Variants in PRH2 observed in about 807,000 individuals in gnomAD.
PRH2 encodes the protein proline rich protein HaeIII subfamily 2.
In PRH2, 19 loss-of-function variants were observed where a neutral mutation model predicts 22.6. The ratio of observed to expected loss-of-function variants is 0.84; its 90% CI spans 0.59 to 1.23. PRH2 has a LOEUF of 1.23. Among genes scored for constraint, PRH2 ranks in the 50% most tolerant of loss-of-function variants. The pLI is 0.00. For synonymous variants in PRH2, 45 were observed against 72.0 expected, an observed-to-expected ratio of 0.63 and a Z score of 1.90; for missense variants, 109 against 203.0, an observed-to-expected ratio of 0.54 and a Z score of 2.81.
chr12:10,931,288 A>G (rs1395475678), intron 3 of PRH2: 2 of 1,059,080 alleles, frequency 1.9e-6, no homozygotes, highest in South Asian at 1.7e-5. Flanking sequence ...GAGAATCACT[A>G]TCTTCAAATT....
Position 10,933,633 on chromosome 12 carries a change from C to A in PRH2, c.*1426C>A, listed in dbSNP as rs996926309. On this transcript the variant is annotated 3_prime_UTR_variant, in exon 4 of 4. Coordinates refer to ENST00000396400, the MANE Select transcript of PRH2 (RefSeq NM_001110213.1). ...ATATGACCATCTCAAAAGATGCCAA[C>A]GTTGTCTTTGATAATATTTAATATA... Among the ~76,000 whole-genome samples, 1 of 152,062 alleles carries A rather than the reference C, an allele frequency of 6.6e-6. No individual in the cohort carries two copies. The highest frequency in any genetic ancestry group is 1.5e-5 in the Non-Finnish European group (1 of 67,920).
Position 10,934,661 on chromosome 12 carries a change from T to C in PRH2, c.*2454T>C, listed in dbSNP as rs1283398356. Among the ~76,000 whole-genome samples the C allele has an allele frequency of 1.3e-5, 2 of 152,034 alleles. No homozygotes were observed. Among genetic ancestry groups the C allele is most frequent in the East Asian group, 3.9e-4 (2 of 5,186 alleles). On this transcript the variant is annotated 3_prime_UTR_variant, in exon 4 of 4. Coordinates refer to ENST00000396400, the MANE Select transcript of PRH2 (RefSeq NM_001110213.1). ...GGCTCAATATGAAAGTAGAAAGCACTAAGGTGTACTAATGAATGGGCACAT... is the reference window on the plus strand; with the variant it reads ...GGCTCAATATGAAAGTAGAAAGCACCAAGGTGTACTAATGAATGGGCACAT...
At chr12:10,930,430 C>G in intron 2 of PRH2, 126 bp downstream of exon 2, 1 of 1,461,976 alleles carries the variant, frequency 6.8e-7, no homozygotes, top group South Asian at 1.2e-5. Context: ...GAGATATAAA[C>G]AGTTTTCTCC....
rs115946342 is a variant in PRH2 at position 10,932,028 on chromosome 12, T to C, written c.*19-198T>C. Among the ~76,000 whole-genome samples the C allele has an allele frequency of 4.6e-3, 698 of 152,338 alleles. 6 individuals carry two copies. The highest frequency in any genetic ancestry group is 0.016 in the African/African-American group (672 of 41,570). On this transcript the variant is annotated intron_variant, in intron 3 of 3. Coordinates refer to ENST00000396400, the MANE Select transcript of PRH2 (RefSeq NM_001110213.1). Reference sequence around the variant, plus strand: ...ACAATAATCGTTTTTCGTCCTCATCTAAGCAACAGTTTAAAGCACATTACG... The same window carrying C: ...ACAATAATCGTTTTTCGTCCTCATCCAAGCAACAGTTTAAAGCACATTACG...
chr12:10,930,235 T>C (rs748933852), intron 1 of PRH2, 34 bp from the exon 2 acceptor site: 2 of 1,608,346 alleles, frequency 1.2e-6, no homozygotes, highest in Admixed American at 3.3e-5. Flanking sequence ...ATTCATGCAG[T>C]AACTTTTCCC....
intron 2 of PRH2, 142 bp downstream of exon 2, chr12:10,930,446 T>C: frequency 6.2e-6 from 9 of 1,460,590 alleles, no homozygotes; most frequent in Non-Finnish European, 8.4e-6. Context: ...TCTCCCAACC[T>C]TGATTCTGGG....
chr12:10,930,416 C>G, intron 2 of PRH2, 112 bp downstream of exon 2: 1 of 1,490,718 alleles, frequency 6.7e-7, no homozygotes, highest in South Asian at 1.2e-5. Context: ...ATATCAGTGC[C>G]CCAGAGATAT....
chr12:10,933,588 A>G lies in PRH2; in HGVS notation c.*1381A>G, dbSNP rs1950244287. Among the ~76,000 whole-genome samples the G allele has an allele frequency of 6.6e-6, 1 of 152,052 alleles. No individual in the cohort carries two copies. Among genetic ancestry groups the G allele is most frequent in the Non-Finnish European group, 1.5e-5 (1 of 67,930 alleles). The stretch of plus-strand genomic sequence containing the variant: ...GTTCATTATTTGTTTTGGATAATGA[A>G]GTCAGCAGAGGAAAAAAAAATATGA... On this transcript the variant is annotated 3_prime_UTR_variant, in exon 4 of 4. Transcript: ENST00000396400.
intron 3 of PRH2, 119 bp downstream of exon 3, chr12:10,931,199 A>C (rs1168830630): frequency 6.5e-7 from 1 of 1,526,846 alleles, no homozygotes; most frequent in African/African-American, 1.4e-5. Flanking sequence ...CACATTTCTC[A>C]TGAGTTTTGT....
At chr12:10,932,098 G>A (rs1340631416) in intron 3 of PRH2, 128 bp from the exon 4 acceptor site, 1 of 278,076 alleles carries the variant, frequency 3.6e-6, no homozygotes, top group Non-Finnish European at 8.0e-6. Context: ...ATATTAAGGA[G>A]GGGGGCTGTA....
intron 3 of PRH2, among the ~76,000 whole-genome samples, chr12:10,931,899 T>G (rs550738879): frequency 6.6e-6 from 1 of 152,342 alleles, no homozygotes; most frequent in East Asian, 1.9e-4. Context: ...CACTGAACAT[T>G]AAGGCTGCTT....
Position 10,934,005 on chromosome 12 carries a change from A to G in PRH2, c.*1798A>G, listed in dbSNP as rs1950249813. 6.6e-6 allele frequency among the ~76,000 whole-genome samples: 1 copy of G among 152,172 alleles called. No individual in the cohort carries two copies. ...GGAAAACCATTGTAATTAAAATAAA[A>G]TTTAATACAATAGCCGTTTATTAAT... On this transcript the variant is annotated 3_prime_UTR_variant, in exon 4 of 4. Coordinates refer to ENST00000396400, the MANE Select transcript of PRH2 (RefSeq NM_001110213.1).
rs16925805 is a variant in PRH2, at chr12:10,933,971, G to C, written c.*1764G>C. 0.02 allele frequency among the ~76,000 whole-genome samples: 2,988 copies of C among 152,036 alleles called. 33 individuals are homozygous for C. The highest frequency in any genetic ancestry group is 0.032 in the South Asian group (152 of 4,818). Reference sequence around the variant, plus strand: ...CAAGAGATTCTACTCAGGTAAAAAAGGAAAGGAAGGAAAACCATTGTAATT... The same window carrying C: ...CAAGAGATTCTACTCAGGTAAAAAACGAAAGGAAGGAAAACCATTGTAATT... On this transcript the variant is annotated 3_prime_UTR_variant, in exon 4 of 4. Transcript: ENST00000396400.
At position 10,929,300 on chromosome 12, in the gene PRH2, C is replaced by G. The variant is rs755493396; in HGVS notation, c.27C>G (p.Ala9=). 12 of 1,613,970 alleles carry G rather than the reference C, an allele frequency of 7.4e-6. No homozygotes were observed. In the South Asian group the frequency reaches 1.2e-4, roughly 16 times the overall value. The change falls in exon 1 of 4, where the codon GCC becomes GCG. Residue 9 remains alanine (A), a synonymous_variant. Coordinates refer to ENST00000396400, the MANE Select transcript of PRH2 (RefSeq NM_001110213.1). MLLILLSV[A]LLAFSSAQDL... ...TGCTTCTGATTCTGCTGTCAGTGGC[C>G]CTGCTGGCCTTCAGCTCAGCTCAGG... is the stretch of plus-strand genomic sequence containing the variant.
Position 10,930,941 on chromosome 12 carries a change from G to C in PRH2, c.380G>C (p.Gly127Ala), listed in dbSNP as rs1950200752. The C allele has an allele frequency of 6.2e-7, 1 of 1,606,304 alleles. No homozygotes were observed. The highest frequency in any genetic ancestry group is 1.7e-5 in the Admixed American group (1 of 59,410). The change falls in exon 3 of 4, where the codon GGA (glycine) becomes GCA (alanine). Residue 127 changes from glycine (G) to alanine (A), a missense_variant. Gly to Ala is a moderately conservative substitution (Grantham distance 60). Coordinates refer to ENST00000396400, the MANE Select transcript of PRH2 (RefSeq NM_001110213.1). ...HPRPPRGRPQGPPQQGGHQQG... is the reference protein window; with the variant it reads ...HPRPPRGRPQAPPQQGGHQQG... Reference sequence around the variant, plus strand: ...CGTCCTCCTCGAGGAAGGCCACAAGGACCACCCCAACAGGGAGGCCATCAG... The same window carrying C: ...CGTCCTCCTCGAGGAAGGCCACAAGCACCACCCCAACAGGGAGGCCATCAG...
At chr12:10,929,418 G>C in intron 1 of PRH2, 81 bp downstream of exon 1, 76 of 1,531,336 alleles carry the variant, frequency 5.0e-5, no homozygotes, top group Non-Finnish European at 6.0e-5. Context: ...GTGGAGGGAA[G>C]AGAGGAGGAT....
chr12:10,930,310 T>A lies in PRH2; in HGVS notation c.100+6T>A, dbSNP rs543930742. On this transcript the variant is annotated splice_donor_region_variant and intron_variant, in intron 2 of 3. Transcript: ENST00000396400. ...CGTTCCCTTGGTAATATCAGGTAAA[T>A]CCCAATAAATTCTCAGTAAACTCTG... 3 of 1,610,596 alleles carry A rather than the reference T, an allele frequency of 1.9e-6. No homozygotes were observed. The highest frequency in any genetic ancestry group is 1.1e-5 in the South Asian group (1 of 91,004).
intron 1 of PRH2, among the ~76,000 whole-genome samples, chr12:10,929,553 C>T (rs961206474): frequency 1.3e-5 from 2 of 151,860 alleles, no homozygotes; most frequent in African/African-American, 2.4e-5. Context: ...GAATTTGTAC[C>T]GGGGGAGTGA....
chr12:10,930,661 G>C lies in PRH2; in HGVS notation c.101-1G>C. On this transcript the variant is annotated splice_acceptor_variant, in intron 2 of 3. Transcript: ENST00000396400. LOFTEE classifies it high-confidence loss of function. ...AGCTCTTCTTGTTTCAACTCACACA[G>C]ATGGAGGAGACTCTGAGCAGTTCAT... is the stretch of plus-strand genomic sequence containing the variant. 6.2e-7 allele frequency: 1 copy of C among 1,613,844 alleles called. No individual in the cohort carries two copies. The highest frequency in any genetic ancestry group is 1.1e-5 in the South Asian group (1 of 91,054).
Sources: gnomAD v4.1 joint callset for allele counts (sites outside exome capture counted in the v4.1 genomes callset) on GRCh38, gnomAD v4.1.1 for gene constraint, MANE v1.5 for transcripts, NCBI Gene and HGNC (gene_info 2026-07-23, HGNC 2026-07-21) for gene names.